Variants in RFTN1 observed in about 807,000 individuals in gnomAD.
RFTN1 encodes the protein raftlin, lipid raft linker 1, also known as raftlin.
RFTN1 carries 26 observed loss-of-function variants against 46.5 expected under a neutral mutation model. The observed-to-expected ratio is 0.56, with a 90% CI of 0.41 to 0.78. The LOEUF is 0.78. Among genes scored for constraint, RFTN1 ranks in the 30% least tolerant of loss-of-function variants. The pLI is 0.00. For missense variants in RFTN1, 693 were observed against 718.7 expected (o/e 0.96, Z 0.41); for synonymous variants, 261 against 284.2 (o/e 0.92, Z 0.82).
At position 16,344,326 on chromosome 3, in the gene RFTN1, C is replaced by T. The variant is rs1204649013; in HGVS notation, c.1146+13606G>A. 7.1e-6 allele frequency among the ~76,000 whole-genome samples: 1 copy of T among 141,788 alleles called. No individual in the cohort carries two copies. Among genetic ancestry groups the T allele is most frequent in the African/African-American group, 2.6e-5 (1 of 38,254 alleles). 93.0% of individuals were successfully genotyped at this position (141,788 alleles called of 152,430 possible). A position where few individuals can be genotyped will look rare whatever the true frequency, so the allele number is the denominator to read the frequency against. On this transcript the variant is annotated intron_variant, in intron 7 of 9. Coordinates refer to ENST00000334133, the MANE Select transcript of RFTN1 (RefSeq NM_015150.2). This position sits in a 1 kb window ranked among gnomAD's most constrained non-coding sequence, Gnocchi z 4.4. ...GAAAGTGGATTAGATCAGTAATTTT[C>T]AAGGTTTTTTTTTTTTAATTAGTAG...
chr3:16,354,787 T>C (rs752472336), intron 7 of RFTN1, among the ~76,000 whole-genome samples: 16 of 152,356 alleles, frequency 1.1e-4, no homozygotes, highest in Non-Finnish European at 2.2e-4. Context: ...GTTTCTCTCT[T>C]CCTGCATTTT....
Position 16,481,157 on chromosome 3 carries a change from C to T in RFTN1, c.145+12568G>A, listed in dbSNP as rs554437431. Among the ~76,000 whole-genome samples, 8 of 152,254 alleles carry T rather than the reference C, an allele frequency of 5.3e-5. No homozygotes were observed. The South Asian group carries it at 1.2e-3, about 24-fold the overall frequency. On this transcript the variant is annotated intron_variant, in intron 2 of 9. Transcript: ENST00000334133. This position sits in a 1 kb window ranked among gnomAD's most constrained non-coding sequence, Gnocchi z 5.1. ...GCAAAGGAATGTAAAGAATGCCTTC[C>T]TTCCTTTTAAATCTAATCTTATTAC... is the stretch of plus-strand genomic sequence containing the variant.
intron 4 of RFTN1, 62 bp downstream of exon 4, chr3:16,409,313 G>T: frequency 8.9e-7 from 1 of 1,127,840 alleles, no homozygotes; most frequent in Non-Finnish European, 1.4e-6. Context: ...GCAGCTACCT[G>T]CCTGTTCACT....
chr3:16,406,152 G>A (rs568962674), intron 4 of RFTN1, among the ~76,000 whole-genome samples: 2 of 152,272 alleles, frequency 1.3e-5, no homozygotes, highest in African/African-American at 2.4e-5. Flanking sequence ...GAATAGCCAC[G>A]GGTGTTGGAG....
chr3:16,446,662 G>A lies in RFTN1; in HGVS notation c.146-12625C>T, dbSNP rs2124894239. 6.6e-6 allele frequency among the ~76,000 whole-genome samples: 1 copy of A among 152,156 alleles called. No individual in the cohort carries two copies. The highest frequency in any genetic ancestry group is 2.4e-5 in the African/African-American group (1 of 41,504). On this transcript the variant is annotated intron_variant, in intron 2 of 9. Coordinates refer to ENST00000334133, the MANE Select transcript of RFTN1 (RefSeq NM_015150.2). The surrounding 1 kb of genome is among the most constrained non-coding windows in gnomAD (Gnocchi z 4.5). The stretch of plus-strand genomic sequence containing the variant: ...TGTAAAGATGGCCAAATAATAATAG[G>A]ACAAAGACCATGGTTGTATACAAGA...
At chr3:16,388,413 A>G (rs1263701933) in intron 4 of RFTN1, among the ~76,000 whole-genome samples, 7 of 152,382 alleles carry the variant, frequency 4.6e-5, no homozygotes, top group South Asian at 4.1e-4. Context: ...GTTACCCCCA[A>G]GTGGAAACAT....
chr3:16,484,083 G>C lies in RFTN1; in HGVS notation c.145+9642C>G, dbSNP rs1420842990. Reference sequence around the variant, plus strand: ...CATCTCCCTTCACGAAATCAGAAAGGCTAATAGTGCCAGGATTTATAACTA... The same window carrying C: ...CATCTCCCTTCACGAAATCAGAAAGCCTAATAGTGCCAGGATTTATAACTA... On this transcript the variant is annotated intron_variant, in intron 2 of 9. Transcript: ENST00000334133. This position sits in a 1 kb window ranked among gnomAD's most constrained non-coding sequence, Gnocchi z 4.6. 6.6e-6 allele frequency among the ~76,000 whole-genome samples: 1 copy of C among 152,192 alleles called. No individual in the cohort carries two copies. Among genetic ancestry groups the C allele is most frequent in the Admixed American group, 6.5e-5 (1 of 15,282 alleles).
At chr3:16,434,089 A>T (rs1257738899) in intron 2 of RFTN1, 52 bp from the exon 3 acceptor site, 1 of 1,457,388 alleles carries the variant, frequency 6.9e-7, no homozygotes, top group Non-Finnish European at 9.1e-7. Context: ...ACGCCCACTC[A>T]GCCCTGCCCA....
chr3:16,479,193 C>T lies in RFTN1; in HGVS notation c.145+14532G>A, dbSNP rs947648379. On this transcript the variant is annotated intron_variant, in intron 2 of 9. Coordinates refer to ENST00000334133, the MANE Select transcript of RFTN1 (RefSeq NM_015150.2). This position sits in a 1 kb window ranked among gnomAD's most constrained non-coding sequence, Gnocchi z 5.1. ...TTCCTTGCAGGTAGGAGAACAAAAC[C>T]TTGGCTGGTTCACCCCTCAGGGACA... 6.6e-6 allele frequency among the ~76,000 whole-genome samples: 1 copy of T among 152,146 alleles called. No individual in the cohort carries two copies. Among genetic ancestry groups the T allele is most frequent in the African/African-American group, 2.4e-5 (1 of 41,438 alleles).
In RFTN1 at chr3:16,428,770, C is replaced by T. The variant is rs966678201; in HGVS notation, c.332+5081G>A. Among the ~76,000 whole-genome samples, 89 of 152,166 alleles carry T rather than the reference C, an allele frequency of 5.8e-4. No individual in the cohort carries two copies. Among genetic ancestry groups the T allele is most frequent in the African/African-American group, 2.1e-3 (87 of 41,442 alleles). On this transcript the variant is annotated intron_variant, in intron 3 of 9. Coordinates refer to ENST00000334133, the MANE Select transcript of RFTN1 (RefSeq NM_015150.2). The surrounding 1 kb of genome is among the most constrained non-coding windows in gnomAD (Gnocchi z 4.7). ...ACCATGCATTTTTGTACTGCAGTTA[C>T]ATCTATAACCATAAAACAACCTAGA...
At chr3:16,359,505 A>T (rs2072692037) in intron 6 of RFTN1, among the ~76,000 whole-genome samples, 1 of 152,122 alleles carries the variant, frequency 6.6e-6, no homozygotes, top group Non-Finnish European at 1.5e-5. Context: ...TTAGAAGAGG[A>T]AGAGAAACCA....
chr3:16,368,145 G>C (rs960696225), intron 6 of RFTN1, among the ~76,000 whole-genome samples: 1 of 148,992 alleles, frequency 6.7e-6, no homozygotes, highest in Non-Finnish European at 1.5e-5. Context: ...GGGAGCCAAA[G>C]GTTCCTCCCT....
intron 2 of RFTN1, among the ~76,000 whole-genome samples, chr3:16,469,260 A>C (rs2076152761): frequency 6.6e-6 from 1 of 152,240 alleles, no homozygotes. Flanking sequence ...GTGGGGATTA[A>C]AAGAATTAAT....
chr3:16,449,074 T>C lies in RFTN1; in HGVS notation c.146-15037A>G, dbSNP rs890161485. Among the ~76,000 whole-genome samples the C allele has an allele frequency of 6.6e-6, 1 of 152,248 alleles. No individual in the cohort carries two copies. Among genetic ancestry groups the C allele is most frequent in the African/African-American group, 2.4e-5 (1 of 41,466 alleles). ...ACTTAACATAGTTTTCCCCTTCCTG[T>C]ACTTTCTGGTCTGGTTCCTTGGGGA... On this transcript the variant is annotated intron_variant, in intron 2 of 9. Coordinates refer to ENST00000334133, the MANE Select transcript of RFTN1 (RefSeq NM_015150.2). This position sits in a 1 kb window ranked among gnomAD's most constrained non-coding sequence, Gnocchi z 5.1.
intron 3 of RFTN1, among the ~76,000 whole-genome samples, chr3:16,415,582 T>C (rs1273404756): frequency 6.6e-6 from 1 of 151,700 alleles, no homozygotes; most frequent in Non-Finnish European, 1.5e-5. Context: ...TCTCCATTAA[T>C]GTAGCAAGAG....
chr3:16,415,430 T>TATATAAACACACACACACACACACACAC, intron 3 of RFTN1, among the ~76,000 whole-genome samples: 1 of 114,276 alleles, frequency 8.8e-6, no homozygotes, highest in African/African-American at 2.7e-5. Context: ...TATATATATA[T>TATATAAACACACACACACACACACACAC]ACACACACAC....
At position 16,452,686 on chromosome 3, in the gene RFTN1, T is replaced by G. The variant is rs893365577; in HGVS notation, c.146-18649A>C. Reference sequence around the variant, plus strand: ...GGTCTCAACTGTGACAGTGAAGGAGTGGTCAGTGTTGCCAGGCCCTTCAGT... The same window carrying G: ...GGTCTCAACTGTGACAGTGAAGGAGGGGTCAGTGTTGCCAGGCCCTTCAGT... On this transcript the variant is annotated intron_variant, in intron 2 of 9. Coordinates refer to ENST00000334133, the MANE Select transcript of RFTN1 (RefSeq NM_015150.2). The surrounding 1 kb of genome is among the most constrained non-coding windows in gnomAD (Gnocchi z 6.3). 1.1e-4 allele frequency among the ~76,000 whole-genome samples: 16 copies of G among 152,206 alleles called. 2 individuals are homozygous for G. The highest frequency in any genetic ancestry group is 1.0e-3 in the South Asian group (5 of 4,810).
rs372058767 is a variant in RFTN1 at position 16,443,266 on chromosome 3, C to G, written c.146-9229G>C. Among the ~76,000 whole-genome samples the G allele has an allele frequency of 4.6e-5, 7 of 152,324 alleles. No homozygotes were observed. The South Asian group carries it at 6.2e-4, about 14-fold the overall frequency. ...TCTTGTATTTTTGATAGTAGCCATT[C>G]TAACAGGTGTGAGCTGATATCTCAC... On this transcript the variant is annotated intron_variant, in intron 2 of 9. Transcript: ENST00000334133. The surrounding 1 kb of genome is among the most constrained non-coding windows in gnomAD (Gnocchi z 5.5).
intron 1 of RFTN1, among the ~76,000 whole-genome samples, chr3:16,511,742 A>G (rs2076905578): frequency 1.3e-5 from 2 of 151,974 alleles, no homozygotes; most frequent in Non-Finnish European, 2.9e-5. Context: ...CTACAGACAA[A>G]GCAATTATTT....
Sources: allele counts gnomAD v4.1 joint callset (sites outside exome capture counted in the v4.1 genomes callset), GRCh38; gene constraint gnomAD v4.1.1; non-coding constraint Gnocchi (gnomAD v3.1); transcripts MANE v1.5; gene names NCBI Gene and HGNC (gene_info 2026-07-23, HGNC 2026-07-21).